Variants in TMCC1 observed in about 807,000 individuals in gnomAD.
The protein encoded by TMCC1 is transmembrane and coiled-coil domain family 1.
In TMCC1, 15 loss-of-function variants were observed where a neutral mutation model predicts 52.4. The observed-to-expected ratio is 0.29, with a 90% confidence interval of 0.19 to 0.44. The LOEUF (loss-of-function observed/expected upper bound fraction) is 0.44, where lower values mean the gene tolerates loss of function less well. TMCC1 is among the 20% of genes least tolerant of loss of function. TMCC1 has a pLI of 1.00. For synonymous variants in TMCC1, 279 were observed against 301.9 expected, an observed-to-expected ratio of 0.92 and a Z score of 0.79; for missense variants, 503 against 806.0, an observed-to-expected ratio of 0.62 and a Z score of 4.55.
At chr3:129,888,244 T>C (rs1365242203) in intron 1 of TMCC1, among the ~76,000 whole-genome samples, 1 of 152,226 alleles carries the variant, frequency 6.6e-6, no homozygotes, top group Non-Finnish European at 1.5e-5. Flanking sequence ...ATACATGTGG[T>C]AATGAATTAG....
At chr3:129,703,575 C>T (rs1370341143) in intron 4 of TMCC1, among the ~76,000 whole-genome samples, 1 of 152,086 alleles carries the variant, frequency 6.6e-6, no homozygotes, top group African/African-American at 2.4e-5. Flanking sequence ...GATTTAGTAC[C>T]TAATAAATAG....
rs533327874 is a variant in TMCC1 at position 129,842,655 on chromosome 3, C to T, written c.-183-9829G>A. On this transcript the variant is annotated intron_variant, in intron 2 of 6. Coordinates refer to ENST00000393238, the MANE Select transcript of TMCC1 (RefSeq NM_001017395.5). ...TCACAAAGATATACCATATTCTGTG[C>T]CATAAAAGAAATCTTCAAGATAAAT... 2.0e-5 allele frequency among the ~76,000 whole-genome samples: 3 copies of T among 152,044 alleles called. No individual in the cohort carries two copies. In the East Asian group the frequency reaches 5.8e-4, roughly 29 times the overall value.
intron 5 of TMCC1, among the ~76,000 whole-genome samples, chr3:129,658,624 AG>A (rs2086822712): frequency 6.6e-6 from 1 of 152,232 alleles, no homozygotes; most frequent in Non-Finnish European, 1.5e-5. Context: ...GCAAAATACA[AG>A]GCATGCTTAT....
chr3:129,837,763 T>C (rs375571431), intron 2 of TMCC1, among the ~76,000 whole-genome samples: 6 of 152,010 alleles, frequency 3.9e-5, no homozygotes, highest in Non-Finnish European at 8.8e-5. Context: ...AAAACTCTAA[T>C]GAAAGAGGTA....
At chr3:129,757,257 T>C (rs1332012026) in intron 4 of TMCC1, among the ~76,000 whole-genome samples, 1 of 151,888 alleles carries the variant, frequency 6.6e-6, no homozygotes, top group African/African-American at 2.4e-5. Context: ...GTCCCACAGG[T>C]CCTTCCTCCC....
intron 4 of TMCC1, among the ~76,000 whole-genome samples, chr3:129,744,590 G>A (rs144032641): frequency 1.3e-5 from 2 of 152,112 alleles, no homozygotes; most frequent in African/African-American, 2.4e-5. Flanking sequence ...CCAGCATAAC[G>A]TCACCACTTT....
At chr3:129,814,311 C>A (rs953897277) in intron 4 of TMCC1, among the ~76,000 whole-genome samples, 1 of 152,052 alleles carries the variant, frequency 6.6e-6, no homozygotes, top group Non-Finnish European at 1.5e-5. Flanking sequence ...CTAATCTTTT[C>A]TTTGTGATCT....
chr3:129,891,959 T>C (rs1485446808), intron 1 of TMCC1, among the ~76,000 whole-genome samples: 1 of 152,346 alleles, frequency 6.6e-6, no homozygotes, highest in East Asian at 1.9e-4. Context: ...GGGTTCTTCA[T>C]CAAATTGTAG....
intron 2 of TMCC1, among the ~76,000 whole-genome samples, chr3:129,875,677 T>C (rs1409577491): frequency 1.3e-5 from 2 of 151,858 alleles, no homozygotes; most frequent in African/African-American, 2.4e-5. Context: ...CCAACAAATA[T>C]GAAAGTAAGC....
At chr3:129,675,580 C>T (rs182410573) in intron 4 of TMCC1, among the ~76,000 whole-genome samples, 66 of 152,134 alleles carry the variant, frequency 4.3e-4, no homozygotes, top group Admixed American at 6.5e-4. Context: ...AATATATTCC[C>T]GTCCAAGATC....
At chr3:129,711,046 T>A (rs1305113261) in intron 4 of TMCC1, among the ~76,000 whole-genome samples, 4 of 152,076 alleles carry the variant, frequency 2.6e-5, no homozygotes, top group Non-Finnish European at 5.9e-5. Context: ...GTATTTTTAG[T>A]AGAGACAACG....
At chr3:129,669,979 A>T (rs530252803) in intron 5 of TMCC1, among the ~76,000 whole-genome samples, 75 of 149,580 alleles carry the variant, frequency 5.0e-4, no homozygotes, top group African/African-American at 1.8e-3. Context: ...AAGTCACTAC[A>T]TTTTGCTTGG....
intron 4 of TMCC1, among the ~76,000 whole-genome samples, chr3:129,799,029 A>G (rs1351324167): frequency 6.6e-6 from 1 of 152,248 alleles, no homozygotes; most frequent in Non-Finnish European, 1.5e-5. Flanking sequence ...GCAACTGCCA[A>G]TATAAATAAC....
At chr3:129,714,471 T>C (rs969979757) in intron 4 of TMCC1, among the ~76,000 whole-genome samples, 8 of 152,182 alleles carry the variant, frequency 5.3e-5, no homozygotes, top group Admixed American at 3.9e-4. Context: ...ATGGGTAAAC[T>C]TGACCACCTG....
intron 4 of TMCC1, among the ~76,000 whole-genome samples, chr3:129,702,970 T>C (rs535269014): frequency 6.6e-6 from 1 of 152,302 alleles, no homozygotes; most frequent in African/African-American, 2.4e-5. Context: ...GGGCCGAGAT[T>C]GCATCGCTGC....
At chr3:129,816,056 T>C (rs1411629011) in intron 4 of TMCC1, among the ~76,000 whole-genome samples, 6 of 152,096 alleles carry the variant, frequency 3.9e-5, no homozygotes, top group Admixed American at 3.9e-4. Flanking sequence ...TCACCCCAGT[T>C]AGAATGGCTT....
At chr3:129,843,085 G>A (rs1172643708) in intron 2 of TMCC1, among the ~76,000 whole-genome samples, 3 of 152,236 alleles carry the variant, frequency 2.0e-5, no homozygotes, top group South Asian at 2.1e-4. Context: ...GGTGGCTCAC[G>A]CCTATAATCC....
intron 4 of TMCC1, among the ~76,000 whole-genome samples, chr3:129,733,202 G>A (rs1380435674): frequency 6.6e-6 from 1 of 152,194 alleles, no homozygotes; most frequent in Non-Finnish European, 1.5e-5. Flanking sequence ...AAGCCACGAA[G>A]TTCTGAGGTG....
intron 4 of TMCC1, among the ~76,000 whole-genome samples, chr3:129,705,438 G>A (rs144384121): frequency 9.0e-4 from 137 of 152,228 alleles, no homozygotes; most frequent in Middle Eastern, 3.4e-3. Context: ...ATTTCCTGGA[G>A]ATCTGAAGTG....
Sources: allele counts gnomAD v4.1 joint callset (sites outside exome capture counted in the v4.1 genomes callset), GRCh38; gene constraint gnomAD v4.1.1; transcripts MANE v1.5; gene names NCBI Gene and HGNC (gene_info 2026-07-23, HGNC 2026-07-21).